Variants in CCDC181 observed in about 807,000 individuals in gnomAD.
CCDC181 encodes the protein coiled-coil domain containing 181, also known as coiled-coil domain-containing protein 181.
CCDC181 carries 35 observed loss-of-function variants against 58.7 expected under a neutral mutation model. That is an observed-to-expected ratio of 0.60 (90% CI 0.46 to 0.79). The LOEUF is 0.79. Ranked by LOEUF, CCDC181 falls within the 30% of genes least tolerant of loss-of-function variation. The pLI, the probability that CCDC181 is intolerant of heterozygous loss-of-function variation, is 0.00. For synonymous variants in CCDC181, 183 were observed against 197.5 expected (o/e 0.93, Z 0.62); for missense variants, 517 against 583.9 (o/e 0.89, Z 1.18).
At chr1:169,400,014 T>A (rs912294178) in intron 4 of CCDC181, among the ~76,000 whole-genome samples, 1 of 152,174 alleles carries the variant, frequency 6.6e-6, no homozygotes, top group Non-Finnish European at 1.5e-5. Flanking sequence ...TGTGGGGGTT[T>A]CCCTTGGGTC....
chr1:169,452,432 TC>T (rs1413878504), intron 2 of CCDC181: 2 of 152,014 alleles, frequency 1.3e-5, no homozygotes, highest in African/African-American at 2.4e-5. Flanking sequence ...TACTGACAGT[TC>T]TTTTCAAGGA....
rs762783597 is a variant in CCDC181 at position 169,424,807 on chromosome 1, A to C, written c.117+4T>G. 4.8e-6 allele frequency: 7 copies of C among 1,456,036 alleles called. No homozygotes were observed. The highest frequency in any genetic ancestry group is 5.7e-6 in the Non-Finnish European group (6 of 1,046,844). The allele number at this position is 1,456,036 out of a possible 1,614,324, so 90.2% of individuals were successfully genotyped here. A position where few individuals can be genotyped will look rare whatever the true frequency, so the allele number is the denominator to read the frequency against. On this transcript the variant is annotated splice_donor_region_variant and intron_variant, in intron 2 of 5. Transcript: ENST00000367806. Reference sequence around the variant, plus strand: ...TTATTATGAATGCTGTTGGCAATATATACCTCTATTATGCTGGCATCACTT... The same window carrying C: ...TTATTATGAATGCTGTTGGCAATATCTACCTCTATTATGCTGGCATCACTT...
chr1:169,455,806 A>G (rs1440374785), intron 2 of CCDC181, among the ~76,000 whole-genome samples: 1 of 152,182 alleles, frequency 6.6e-6, no homozygotes, highest in African/African-American at 2.4e-5. Context: ...GAAAGTACAT[A>G]CATGCAGGTG....
upstream of CCDC181, among the ~76,000 whole-genome samples, chr1:169,428,697 C>G (rs985875285): frequency 1.3e-5 from 2 of 152,088 alleles, no homozygotes; most frequent in African/African-American, 2.4e-5. Flanking sequence ...GCTCTGTCAC[C>G]CAGGCTGGAG....
chr1:169,410,210 CA>C (rs35345802), intron 4 of CCDC181, among the ~76,000 whole-genome samples: 26,981 of 85,490 alleles, frequency 0.32, 3,350 homozygotes, highest in East Asian at 0.8. Flanking sequence ...AAATGGAAAG[CA>C]AAAAAAAAAA....
intron 2 of CCDC181, among the ~76,000 whole-genome samples, chr1:169,452,915 A>G (rs1035173163): frequency 6.6e-6 from 1 of 152,124 alleles, no homozygotes; most frequent in African/African-American, 2.4e-5. Context: ...AATATGACCC[A>G]TTCAAGTCTA....
chr1:169,426,685 G>A (rs1656725336), intron 1 of CCDC181, among the ~76,000 whole-genome samples: 1 of 152,140 alleles, frequency 6.6e-6, no homozygotes, highest in Non-Finnish European at 1.5e-5. Context: ...AAAAATCTAA[G>A]AACTGAAAGC....
intron 2 of CCDC181, chr1:169,442,791 A>T (rs1403941658): frequency 6.6e-6 from 1 of 152,072 alleles, no homozygotes; most frequent in East Asian, 1.9e-4. Flanking sequence ...ATACTAAGTC[A>T]TATGATAGAA....
At chr1:169,429,943 AGATTT>A (rs1656865688), upstream of CCDC181, among the ~76,000 whole-genome samples, 1 of 152,176 alleles carries the variant, frequency 6.6e-6, no homozygotes, top group Non-Finnish European at 1.5e-5. Flanking sequence ...TTCAGGTCTT[AGATTT>A]AAGTATTTGA....
At chr1:169,439,682 C>T (rs1260615730) in intron 2 of CCDC181, among the ~76,000 whole-genome samples, 1 of 152,184 alleles carries the variant, frequency 6.6e-6, no homozygotes. Context: ...CAGCCTTTTA[C>T]ACCCTGCCCT....
At chr1:169,423,237 A>G (rs1165976210) in intron 2 of CCDC181, among the ~76,000 whole-genome samples, 4 of 151,810 alleles carry the variant, frequency 2.6e-5, no homozygotes, top group Non-Finnish European at 5.9e-5. Context: ...TCAGATGTCT[A>G]ATAAGCAAAT....
intron 4 of CCDC181, among the ~76,000 whole-genome samples, chr1:169,402,009 G>C (rs1208811291): frequency 5.3e-5 from 8 of 152,168 alleles, no homozygotes. Flanking sequence ...CGCGATGCAT[G>C]CACAACCTTC....
rs1020015714 is a variant in CCDC181 at position 169,405,515 on chromosome 1, C to T, written c.1216-8124G>A. 3.9e-5 allele frequency among the ~76,000 whole-genome samples: 6 copies of T among 152,136 alleles called. No homozygotes were observed. In the East Asian group the frequency reaches 5.8e-4, roughly 15 times the overall value. Reference sequence around the variant, plus strand: ...AGAAATAATACCACATATCTACAACCATCTGATCTTTGACAAACCTCACAA... The same window carrying T: ...AGAAATAATACCACATATCTACAACTATCTGATCTTTGACAAACCTCACAA... On this transcript the variant is annotated intron_variant, in intron 4 of 5. Transcript: ENST00000367806.
chr1:169,408,657 T>C (rs561101962), intron 4 of CCDC181, among the ~76,000 whole-genome samples: 4 of 151,984 alleles, frequency 2.6e-5, no homozygotes, highest in African/African-American at 4.8e-5. Context: ...CTCTGGAGAG[T>C]GCCCCTCTGG....
At position 169,421,505 on chromosome 1, in the gene CCDC181, T is replaced by C. The variant is rs754339618; in HGVS notation, c.926A>G (p.Asp309Gly). Residue 309 changes from aspartate (D) to glycine (G), a missense_variant, in exon 3 of 6, where the codon GAT becomes GGT. Asp to Gly is a moderately conservative substitution (Grantham distance 94). Coordinates refer to ENST00000367806, the MANE Select transcript of CCDC181 (RefSeq NM_001300969.2). ...AGATTTCCCATTCCCTTTACTTCGA[T>C]CTGAGTTGACAGCAGAGCTTGGACA... ...KTCPSSAVNS[D>G]RSKGNGKSNH... 21 of 1,614,106 alleles carry C rather than the reference T, an allele frequency of 1.3e-5. No individual in the cohort carries two copies. The highest frequency in any genetic ancestry group is 1.7e-5 in the Non-Finnish European group (20 of 1,180,012).
chr1:169,414,112 T>G (rs1656110769), intron 4 of CCDC181, among the ~76,000 whole-genome samples: 1 of 152,208 alleles, frequency 6.6e-6, no homozygotes, highest in African/African-American at 2.4e-5. Flanking sequence ...ACAAGCCATT[T>G]TAAATATAAA....
chr1:169,421,323 C>A, intron 3 of CCDC181, 40 bp downstream of exon 3: 1 of 1,444,550 alleles, frequency 6.9e-7, no homozygotes, highest in Non-Finnish European at 9.4e-7. Flanking sequence ...AACAGTAAAA[C>A]ATACTCTACT....
chr1:169,421,213 C>T (rs749950617), intron 3 of CCDC181, 150 bp downstream of exon 3: 128 of 641,594 alleles, frequency 2.0e-4, no homozygotes, highest in Non-Finnish European at 3.0e-4. Flanking sequence ...CATAAATGCA[C>T]ATTCTTAACA....
At chr1:169,447,124 T>C (rs555462821) in intron 2 of CCDC181, among the ~76,000 whole-genome samples, 1 of 152,272 alleles carries the variant, frequency 6.6e-6, no homozygotes, top group East Asian at 1.9e-4. Context: ...TTTTGGTTTA[T>C]TTTTTTGAGA....
Sources: gnomAD v4.1 joint callset for allele counts (sites outside exome capture counted in the v4.1 genomes callset) on GRCh38, gnomAD v4.1.1 for gene constraint, MANE v1.5 for transcripts, NCBI Gene and HGNC (gene_info 2026-07-23, HGNC 2026-07-21) for gene names.